PLEKHA4: variants seen among roughly 807,000 people sequenced by gnomAD.
The protein encoded by PLEKHA4 is pleckstrin homology domain-containing family A member 4.
A neutral mutation model predicts 94.7 loss-of-function variants in PLEKHA4; 73 were observed. The ratio of observed to expected loss-of-function variants is 0.77; its 90% CI spans 0.64 to 0.94. The LOEUF is 0.94. Ranked by LOEUF, PLEKHA4 falls within the 40% of genes least tolerant of loss-of-function variation. The probability of loss-of-function intolerance (pLI) is 0.00; values close to 1 mark genes in which losing one functional copy is unlikely to be tolerated. For synonymous variants in PLEKHA4, 449 were observed against 437.1 expected (o/e 1.03, Z -0.34); for missense variants, 1,049 against 1,054.1 (o/e 1.00, Z 0.07).
chr19:48,862,850 G>A (rs181535978), intron 3 of PLEKHA4, among the ~76,000 whole-genome samples: 50 of 152,300 alleles, frequency 3.3e-4, no homozygotes, highest in African/African-American at 1.2e-3. Flanking sequence ...AGTCATTTCC[G>A]CCTAGAATCC....
chr19:48,852,246 C>T lies in PLEKHA4; in HGVS notation c.1407G>A (p.Leu469=), dbSNP rs375142860. 47 of 1,613,788 alleles carry T rather than the reference C, an allele frequency of 2.9e-5. No homozygotes were observed. The highest frequency in any genetic ancestry group is 3.7e-5 in the Non-Finnish European group (44 of 1,179,860). The stretch of plus-strand genomic sequence containing the variant: ...GATTTACCTGGGGAGAACCAAGGTG[C>T]AGCAGGTACTCCAGCGTCTCTCTTA... ...GTLRETLEYL[L]HLGSPQDRVS... The change falls in exon 13 of 20, where the codon CTG becomes CTA. Residue 469 remains leucine (L), a synonymous_variant. Coordinates refer to ENST00000263265, the MANE Select transcript of PLEKHA4 (RefSeq NM_020904.3).
intron 3 of PLEKHA4, among the ~76,000 whole-genome samples, chr19:48,862,625 C>T (rs1228344554): frequency 6.6e-6 from 1 of 152,186 alleles, no homozygotes; most frequent in Non-Finnish European, 1.5e-5. Flanking sequence ...TCTCCTGCCC[C>T]AGCCTCCCGA....
chr19:48,860,356 T>C lies in PLEKHA4; in HGVS notation c.470A>G (p.Asp157Gly). Residue 157 changes from aspartate (D) to glycine (G), a missense_variant, in exon 6 of 20, where the codon GAC becomes GGC. Asp to Gly is a moderately conservative substitution (Grantham distance 94, BLOSUM62 -1). Coordinates refer to ENST00000263265, the MANE Select transcript of PLEKHA4 (RefSeq NM_020904.3). Reference sequence around the variant, plus strand: ...GGCTTGGACCTCTACTCACTAGTCGTCCCCCTCCGCACGGGAGGCCCGGCC... The same window carrying C: ...GGCTTGGACCTCTACTCACTAGTCGCCCCCCTCCGCACGGGAGGCCCGGCC... ...ALGRASRAEGDDYGQPRSPAR... is the reference protein window; with the variant it reads ...ALGRASRAEGGDYGQPRSPAR... 1 of 1,612,808 alleles carries C rather than the reference T, an allele frequency of 6.2e-7. No individual in the cohort carries two copies. Among genetic ancestry groups the C allele is most frequent in the East Asian group, 2.2e-5 (1 of 44,868 alleles).
In PLEKHA4 at chr19:48,859,024, G is replaced by A; in HGVS notation, c.808C>T (p.His270Tyr). Residue 270 changes from histidine (H) to tyrosine (Y), a missense_variant, in exon 8 of 20, where the codon CAC becomes TAC. Physicochemically the swap from His to Tyr is moderately conservative, Grantham distance 83. Coordinates refer to ENST00000263265, the MANE Select transcript of PLEKHA4 (RefSeq NM_020904.3). ...ACATCAATGCGACTCAACGGGGTGT[G>A]AGGTCGGGCAGGGGGTGCTGTGTCT... ...SGDTAPPARPHTPLSRIDVRP... is the reference protein window; with the variant it reads ...SGDTAPPARPYTPLSRIDVRP... 2 of 1,568,502 alleles carry A rather than the reference G, an allele frequency of 1.3e-6. No homozygotes were observed. The highest frequency in any genetic ancestry group is 1.7e-6 in the Non-Finnish European group (2 of 1,163,194).
intron 14 of PLEKHA4, among the ~76,000 whole-genome samples, 153 bp downstream of exon 14, chr19:48,847,747 A>G (rs1045662743): frequency 6.6e-6 from 1 of 152,202 alleles, no homozygotes; most frequent in Non-Finnish European, 1.5e-5. Flanking sequence ...AACCCCCGAA[A>G]AAAAAGAAAA....
At chr19:48,865,461 G>T in intron 3 of PLEKHA4, 42 bp downstream of exon 3, 1 of 1,488,090 alleles carries the variant, frequency 6.7e-7, no homozygotes, top group Non-Finnish European at 9.4e-7. Flanking sequence ...GACAGCCGGG[G>T]CACAGACTTC....
Position 48,845,612 on chromosome 19 carries a change from A to T in PLEKHA4, c.1571T>A (p.Leu524Gln). ...QGEESSERESLPESLELSSPR... is the reference protein window; with the variant it reads ...QGEESSERESQPESLELSSPR... ...GGAGCTCAGTTCCAAGGACTCTGGC[A>T]GGCTCTGCGGGGATTAGAAAAGGGG... The change falls in exon 15 of 20, where the codon CTG (leucine) becomes CAG (glutamine). Residue 524 changes from leucine (L) to glutamine (Q), a missense_variant. By Grantham distance (113) the Leu-to-Gln change is moderately radical. Coordinates refer to ENST00000263265, the MANE Select transcript of PLEKHA4 (RefSeq NM_020904.3). 1 of 1,585,028 alleles carries T rather than the reference A, an allele frequency of 6.3e-7. No individual in the cohort carries two copies. Among genetic ancestry groups the T allele is most frequent in the South Asian group, 1.1e-5 (1 of 89,488 alleles).
intron 6 of PLEKHA4, chr19:48,859,900 C>A (rs1599921890): frequency 1.7e-6 from 1 of 605,724 alleles, no homozygotes; most frequent in Non-Finnish European, 2.9e-6. Flanking sequence ...GGACCCAATG[C>A]CCCGGAATAT....
chr19:48,843,281 C>T (rs139715349), intron 16 of PLEKHA4, among the ~76,000 whole-genome samples: 15,184 of 152,070 alleles, frequency 0.1, 1,024 homozygotes, highest in Non-Finnish European at 0.15. Flanking sequence ...CAGGTTCAAG[C>T]GATTCTCCTG....
rs532826077 is a variant in PLEKHA4 at position 48,868,517 on chromosome 19, C to T, written c.-441G>A. The T allele has an allele frequency of 1.3e-5, 2 of 152,380 alleles. No individual in the cohort carries two copies. Among genetic ancestry groups the T allele is most frequent in the African/African-American group, 4.8e-5 (2 of 41,412 alleles). 9.4% of individuals were successfully genotyped at this position (152,380 alleles called of 1,614,324 possible). On this transcript the variant is annotated 5_prime_UTR_variant, in exon 1 of 20. Transcript: ENST00000263265. ...TCTCTCCTTCACACTCAGTCTCTTC[C>T]TCTTTCTCTCTGGCTCTGCCGTTTC...
At chr19:48,850,039 C>T (rs896141647) in intron 13 of PLEKHA4, among the ~76,000 whole-genome samples, 6 of 151,780 alleles carry the variant, frequency 4.0e-5, no homozygotes, top group Non-Finnish European at 5.9e-5. Flanking sequence ...GGTGAAACCC[C>T]GTCTCTACTA....
At chr19:48,857,231 G>C (rs561683787) in intron 9 of PLEKHA4, among the ~76,000 whole-genome samples, 191 bp downstream of exon 9, 2 of 152,110 alleles carry the variant, frequency 1.3e-5, no homozygotes. Context: ...CTCCAGAACC[G>C]CAAGATAATC....
In PLEKHA4 at chr19:48,867,612, C is replaced by T. The variant is rs1242631124; in HGVS notation, c.9G>A (p.Gly3=). Residue 3 remains glycine, a synonymous_variant, in exon 2 of 20, where the codon GGG becomes GGA. Coordinates refer to ENST00000263265, the MANE Select transcript of PLEKHA4 (RefSeq NM_020904.3). This position sits in a 1 kb window ranked among gnomAD's most constrained non-coding sequence, Gnocchi z 4.7. ...GGCTCAGGCTGCTGCGAGGTCGGCT[C>T]CCCTCCATCAAGGGCTGGGGGAGAG... ME[G]SRPRSSLSLA... 2.5e-6 allele frequency: 4 copies of T among 1,595,434 alleles called. No homozygotes were observed. The African/African-American group carries it at 4.0e-5, about 16-fold the overall frequency.
At chr19:48,851,867 C>G (rs137885952) in intron 13 of PLEKHA4, among the ~76,000 whole-genome samples, 15,135 of 152,086 alleles carry the variant, frequency 0.1, 1,013 homozygotes, top group Non-Finnish European at 0.14. Flanking sequence ...TCACTTGAAC[C>G]TGGAAGGCAG....
chr19:48,837,990 A>G lies in PLEKHA4; in HGVS notation c.2077+27T>C, dbSNP rs909437453. On this transcript the variant is annotated intron_variant, in intron 19 of 19. Coordinates refer to ENST00000263265, the MANE Select transcript of PLEKHA4 (RefSeq NM_020904.3). This position sits in a 1 kb window ranked among gnomAD's most constrained non-coding sequence, Gnocchi z 4.3. ...TCCAGCTCTCTCCTCCCTAAAACCC[A>G]GAAGTCCAACATCCCCAGCCAGTCA... The G allele has an allele frequency of 1.3e-6, 2 of 1,572,200 alleles. No individual in the cohort carries two copies. Among genetic ancestry groups the G allele is most frequent in the African/African-American group, 1.4e-5 (1 of 73,938 alleles).
At chr19:48,857,875 A>C (rs2036485922) in intron 8 of PLEKHA4, among the ~76,000 whole-genome samples, 1 of 151,248 alleles carries the variant, frequency 6.6e-6, no homozygotes. Flanking sequence ...GACCCTGCCA[A>C]ATCCCCCTCT....
chr19:48,851,163 A>G (rs2036170057), intron 13 of PLEKHA4, among the ~76,000 whole-genome samples: 1 of 152,064 alleles, frequency 6.6e-6, no homozygotes. Context: ...AAAATAAAAG[A>G]GTATAATGGA....
At chr19:48,863,764 G>T (rs2036735003) in intron 3 of PLEKHA4, among the ~76,000 whole-genome samples, 1 of 152,210 alleles carries the variant, frequency 6.6e-6, no homozygotes, top group African/African-American at 2.4e-5. Flanking sequence ...AGTAGAGATG[G>T]GGTTTCACCA....
In PLEKHA4 at chr19:48,837,552, C is replaced by A; in HGVS notation, c.2078-1G>T. On this transcript the variant is annotated splice_acceptor_variant, in intron 19 of 19. Transcript: ENST00000263265. LOFTEE classifies it high-confidence loss of function. This position sits in a 1 kb window ranked among gnomAD's most constrained non-coding sequence, Gnocchi z 4.3. ...TCTCCCTGGGAGTCCAAATTTCCACCTGGAGAGGATGAGTGGGACATGAGA... is the reference window on the plus strand; with the variant it reads ...TCTCCCTGGGAGTCCAAATTTCCACATGGAGAGGATGAGTGGGACATGAGA... The A allele has an allele frequency of 6.2e-7, 1 of 1,613,404 alleles. No individual in the cohort carries two copies. Among genetic ancestry groups the A allele is most frequent in the East Asian group, 2.2e-5 (1 of 44,864 alleles).
Sources: allele counts gnomAD v4.1 joint callset (sites outside exome capture counted in the v4.1 genomes callset), GRCh38; gene constraint gnomAD v4.1.1; non-coding constraint Gnocchi (gnomAD v3.1); transcripts MANE v1.5; gene names NCBI Gene and HGNC (gene_info 2026-07-23, HGNC 2026-07-21).